Variants in BLTP3B observed in about 807,000 individuals in gnomAD.
The protein encoded by BLTP3B is UHRF1 (ICBP90) binding protein 1-like.
At chr12:100,089,137 A>G in the BLTP3B span, 1 of 1,397,810 alleles carries the variant, frequency 7.2e-7, no homozygotes, top group Non-Finnish European at 9.4e-7. Flanking sequence ...CAATTTAAAT[A>G]CTGGAAATTT....
chr12:100,112,664 A>T, the BLTP3B span, among the ~76,000 whole-genome samples: 1 of 152,030 alleles, frequency 6.6e-6, no homozygotes. Context: ...TAAGGGCAAA[A>T]CAAAACAAAA....
the BLTP3B span, among the ~76,000 whole-genome samples, chr12:100,078,777 T>A: frequency 6.6e-6 from 1 of 152,112 alleles, no homozygotes; most frequent in Admixed American, 6.6e-5. Flanking sequence ...ACTGTGGGGG[T>A]GATATGGTTT....
At chr12:100,130,364 G>A in the BLTP3B span, among the ~76,000 whole-genome samples, 285 of 152,242 alleles carry the variant, frequency 1.9e-3, 1 homozygote, top group African/African-American at 6.7e-3. Context: ...TCTCTCATAA[G>A]ATTCATTATC....
the BLTP3B span, among the ~76,000 whole-genome samples, chr12:100,128,954 T>C: frequency 2.0e-5 from 3 of 152,162 alleles, no homozygotes; most frequent in Non-Finnish European, 2.9e-5. Context: ...CCCAATTACA[T>C]TCACATTATC....
the BLTP3B span, among the ~76,000 whole-genome samples, chr12:100,125,895 T>C: frequency 6.6e-6 from 1 of 152,200 alleles, no homozygotes; most frequent in Non-Finnish European, 1.5e-5. Context: ...GGGTACTATG[T>C]GATAGGTCAT....
At chr12:100,070,290 ATTT>A in the BLTP3B span, 8 of 963,070 alleles carry the variant, frequency 8.3e-6, no homozygotes, top group Admixed American at 4.1e-5. Flanking sequence ...TAATTAATTA[ATTT>A]TTTTTTTTTT....
chr12:100,103,100 G>C, the BLTP3B span, among the ~76,000 whole-genome samples: 6 of 151,948 alleles, frequency 3.9e-5, no homozygotes, highest in African/African-American at 1.5e-4. Context: ...CAGGTGTTGG[G>C]GGGTGGGGAA....
chr12:100,070,186 A>T, the BLTP3B span: 1 of 1,560,776 alleles, frequency 6.4e-7, no homozygotes, highest in Non-Finnish European at 8.7e-7. Context: ...GAAACAAATG[A>T]GAAACACACA....
At chr12:100,118,476 G>C in the BLTP3B span, among the ~76,000 whole-genome samples, 1 of 152,074 alleles carries the variant, frequency 6.6e-6, no homozygotes, top group Non-Finnish European at 1.5e-5. Context: ...ACCAAGAGGA[G>C]CCTAAAAAGA....
chr12:100,058,615 C>T, the BLTP3B span: 4 of 1,613,912 alleles, frequency 2.5e-6, no homozygotes, highest in East Asian at 8.9e-5. Flanking sequence ...CTCACACTTT[C>T]AGAAACAGGA....
At chr12:100,130,967 G>T in the BLTP3B span, among the ~76,000 whole-genome samples, 2,548 of 115,870 alleles carry the variant, frequency 0.022, 48 homozygotes, top group Middle Eastern at 0.033. Context: ...TATATAGAGA[G>T]AGAGAGAGAG....
the BLTP3B span, among the ~76,000 whole-genome samples, chr12:100,124,976 A>ATATATATATATATT: frequency 1.1e-5 from 1 of 94,892 alleles, no homozygotes; most frequent in Non-Finnish European, 2.0e-5. Flanking sequence ...ATATATATAT[A>ATATATATATATATT]TATTTATATT....
chr12:100,037,560 T>A, the BLTP3B span: 1 of 1,558,822 alleles, frequency 6.4e-7, no homozygotes, highest in Non-Finnish European at 8.6e-7. Context: ...AGTCTTCCCC[T>A]AACTGGTAAC....
At chr12:100,047,177 C>T in the BLTP3B span, among the ~76,000 whole-genome samples, 13 of 152,066 alleles carry the variant, frequency 8.5e-5, no homozygotes, top group African/African-American at 3.1e-4. Context: ...AATTTAACTT[C>T]GAAATTTGAG....
chr12:100,047,869 C>CACAT, the BLTP3B span: 1 of 1,261,962 alleles, frequency 7.9e-7, no homozygotes, highest in African/African-American at 1.5e-5. Flanking sequence ...ATAGAGAAGG[C>CACAT]ACATTCTTAG....
chr12:100,070,559 T>C, the BLTP3B span, among the ~76,000 whole-genome samples: 1 of 152,146 alleles, frequency 6.6e-6, no homozygotes, highest in East Asian at 1.9e-4. Context: ...ACCTGGCCAA[T>C]GCCAGAAGTT....
At chr12:100,061,955 T>TA in the BLTP3B span, among the ~76,000 whole-genome samples, 1 of 152,212 alleles carries the variant, frequency 6.6e-6, no homozygotes, top group South Asian at 2.1e-4. Flanking sequence ...CTAAAGCCTT[T>TA]AAACAGACAA....
At chr12:100,070,290 A>AC in the BLTP3B span, 1 of 886,584 alleles carries the variant, frequency 1.1e-6, no homozygotes, top group African/African-American at 1.8e-5. Flanking sequence ...TAATTAATTA[A>AC]TTTTTTTTTT....
chr12:100,111,594 T>G, the BLTP3B span, among the ~76,000 whole-genome samples: 1,874 of 138,872 alleles, frequency 0.013, 102 homozygotes, highest in Admixed American at 0.098. Flanking sequence ...TAGTTTTTTG[T>G]TTTTTTTTGT....
Sources: gnomAD v4.1 joint callset for allele counts (sites outside exome capture counted in the v4.1 genomes callset) on GRCh38, gnomAD v4.1.1 for gene constraint, MANE v1.5 for transcripts, NCBI Gene and HGNC (gene_info 2026-07-23, HGNC 2026-07-21) for gene names.